Variants in MAP3K3 observed in about 807,000 individuals in gnomAD.
MAP3K3 encodes mitogen-activated protein kinase kinase kinase 3, also known as MAP/ERK kinase kinase 3.
A neutral mutation model predicts 80.9 loss-of-function variants in MAP3K3; 12 were observed. The observed-to-expected ratio is 0.15, with a 90% CI of 0.10 to 0.24. The LOEUF is 0.24. Among genes scored for constraint, MAP3K3 ranks in the 10% least tolerant of loss-of-function variants. The pLI is 1.00. For missense variants in MAP3K3, 596 were observed against 834.7 expected, an observed-to-expected ratio of 0.71 and a Z score of 3.52; for synonymous variants, 272 against 307.1, an observed-to-expected ratio of 0.89 and a Z score of 1.19.
chr17:63,694,054 G>A lies in MAP3K3; in HGVS notation c.*277G>A. 1 of 390,846 alleles carries A rather than the reference G, an allele frequency of 2.6e-6. No homozygotes were observed. Among genetic ancestry groups the A allele is most frequent in the Non-Finnish European group, 4.6e-6 (1 of 217,744 alleles). 24.2% of individuals were successfully genotyped at this position (390,846 alleles called of 1,614,324 possible). A position where few individuals can be genotyped will look rare whatever the true frequency, so the allele number is the denominator to read the frequency against. On this transcript the variant is annotated 3_prime_UTR_variant, in exon 16 of 16. Transcript: ENST00000361733. ...GGGGCTGGGAACAGTGTGCAAGGCA[G>A]CCGTGGGCCCCACCCTCGGGGATGT...
At chr17:63,688,632 T>A in intron 9 of MAP3K3, 38 bp downstream of exon 9, 1 of 1,590,008 alleles carries the variant, frequency 6.3e-7, no homozygotes, top group Non-Finnish European at 8.6e-7. Context: ...ATGCAGGGTG[T>A]CTGGGTGGGG....
At chr17:63,624,541 A>G (rs905180662) in intron 1 of MAP3K3, among the ~76,000 whole-genome samples, 7 of 152,222 alleles carry the variant, frequency 4.6e-5, no homozygotes, top group African/African-American at 1.7e-4. Flanking sequence ...ATGGAGACCA[A>G]TGATGGGGAG....
At chr17:63,688,751 A>T in intron 9 of MAP3K3, 38 bp from the exon 10 acceptor site, 2 of 1,504,194 alleles carry the variant, frequency 1.3e-6, no homozygotes, top group Non-Finnish European at 9.3e-7. Context: ...GCTCACATTG[A>T]CCTACCCAGA....
chr17:63,692,162 C>G lies in MAP3K3; in HGVS notation c.1475-80C>G. 4 of 1,536,678 alleles carry G rather than the reference C, an allele frequency of 2.6e-6. No homozygotes were observed. Among genetic ancestry groups the G allele is most frequent in the East Asian group, 2.2e-5 (1 of 44,464 alleles). ...GGTAGCCCTGCCCTCTCCAGCAGCT[C>G]TCAGTGACCCGGGGGTGGGGAGGAT... is the stretch of plus-strand genomic sequence containing the variant. On this transcript the variant is annotated intron_variant, in intron 14 of 15. Coordinates refer to ENST00000361733, the MANE Select transcript of MAP3K3 (RefSeq NM_002401.5). This position sits in a 1 kb window ranked among gnomAD's most constrained non-coding sequence, Gnocchi z 4.5.
chr17:63,646,886 G>A (rs576742520), intron 3 of MAP3K3, among the ~76,000 whole-genome samples: 1 of 152,070 alleles, frequency 6.6e-6, no homozygotes, highest in Non-Finnish European at 1.5e-5. Flanking sequence ...TGTGCCTTTC[G>A]GTGTTTTTTC....
chr17:63,625,103 CTTGAGT>C (rs1385889348), intron 1 of MAP3K3, among the ~76,000 whole-genome samples: 1 of 152,206 alleles, frequency 6.6e-6, no homozygotes, highest in Non-Finnish European at 1.5e-5. Flanking sequence ...AGGACTAAAA[CTTGAGT>C]CTCTGCCCTG....
At position 63,693,771 on chromosome 17, in the gene MAP3K3, G is replaced by T. The variant is rs1333837448; in HGVS notation, c.1875G>T (p.Met625Ile). 6.3e-7 allele frequency: 1 copy of T among 1,597,936 alleles called. No individual in the cohort carries two copies. Residue 625 changes from methionine to isoleucine, a missense_variant, in exon 16 of 16, where the codon ATG (methionine) becomes ATT (isoleucine). Physicochemically the swap from Met to Ile is conservative, Grantham distance 10. Around this residue, in one of 2 missense-constraint regions of MAP3K3, gnomAD observed 364 missense variants for 588.9 expected, o/e 0.62. Coordinates refer to ENST00000361733, the MANE Select transcript of MAP3K3 (RefSeq NM_002401.5). This position sits in a 1 kb window ranked among gnomAD's most constrained non-coding sequence, Gnocchi z 4.2. ...ELLTHHFAQL[M>I]Y ...TCACACACCACTTTGCACAGCTCAT[G>T]TACTGAGCTCTCACGGCCACACAGC...
intron 3 of MAP3K3, among the ~76,000 whole-genome samples, chr17:63,650,115 T>C (rs936763154): frequency 6.6e-6 from 1 of 152,244 alleles, no homozygotes; most frequent in African/African-American, 2.4e-5. Flanking sequence ...GTTGTTTTAA[T>C]AGGCATTTCT....
At position 63,691,664 on chromosome 17, in the gene MAP3K3, G is replaced by C. The variant is rs2035593532; in HGVS notation, c.1345-69G>C. ...TCACTCCTTTGCTGCCATGCTGGGG[G>C]CTGGAATGGGCTTGCCCCTCCACCA... is the stretch of plus-strand genomic sequence containing the variant. On this transcript the variant is annotated intron_variant, in intron 13 of 15. Coordinates refer to ENST00000361733, the MANE Select transcript of MAP3K3 (RefSeq NM_002401.5). This position sits in a 1 kb window ranked among gnomAD's most constrained non-coding sequence, Gnocchi z 4.8. The C allele has an allele frequency of 1.9e-6, 3 of 1,570,076 alleles. No individual in the cohort carries two copies. The Admixed American group carries it at 5.3e-5, about 28-fold the overall frequency.
chr17:63,691,076 G>A lies in MAP3K3; in HGVS notation c.1213-26G>A, dbSNP rs1055618773. The stretch of plus-strand genomic sequence containing the variant: ...GGGCAGAACTAGGGCCCTGAGAGCT[G>A]AGGCGACCACTGACCCCTCCCCTAG... On this transcript the variant is annotated intron_variant, in intron 12 of 15. Transcript: ENST00000361733. The surrounding 1 kb of genome is among the most constrained non-coding windows in gnomAD (Gnocchi z 4.8). The A allele has an allele frequency of 6.2e-7, 1 of 1,613,178 alleles. No individual in the cohort carries two copies. The highest frequency in any genetic ancestry group is 8.5e-7 in the Non-Finnish European group (1 of 1,179,836).
chr17:63,657,815 C>G lies in MAP3K3; in HGVS notation c.289C>G (p.Gln97Glu). Residue 97 changes from glutamine (Q) to glutamate (E), a missense_variant, in exon 5 of 16, where the codon CAA (glutamine) becomes GAA (glutamate). Physicochemically the swap from Gln to Glu is conservative, Grantham distance 29 (BLOSUM62 2). This residue lies in a region of MAP3K3 where 232 missense variants were observed against 245.8 expected (regional missense o/e 0.94). Coordinates refer to ENST00000361733, the MANE Select transcript of MAP3K3 (RefSeq NM_002401.5). ...ACAGCTCTCCATCCTGCTGAAAAACCAAGATGATCTTGATAAAGCAATTGA... is the reference window on the plus strand; with the variant it reads ...ACAGCTCTCCATCCTGCTGAAAAACGAAGATGATCTTGATAAAGCAATTGA... ...NNELSILLKN[Q>E]DDLDKAIDIL... 1 of 1,596,554 alleles carries G rather than the reference C, an allele frequency of 6.3e-7. No homozygotes were observed. The highest frequency in any genetic ancestry group is 8.6e-7 in the Non-Finnish European group (1 of 1,167,740).
At position 63,689,856 on chromosome 17, in the gene MAP3K3, AC is replaced by A; in HGVS notation, c.1063+123del. The A allele has an allele frequency of 1.1e-6, 1 of 882,576 alleles. No individual in the cohort carries two copies. Among genetic ancestry groups the A allele is most frequent in the Non-Finnish European group, 1.7e-6 (1 of 582,922 alleles). The allele number at this position is 882,576 out of a possible 1,614,324, so 54.7% of individuals were successfully genotyped here. The stretch of plus-strand genomic sequence containing the variant: ...CAGGTGGTGGCTTTGGCCCAAATGC[AC>A]CACATGGGATAAGCCTTGGAGTGTC... On this transcript the variant is annotated intron_variant, in intron 11 of 15. Coordinates refer to ENST00000361733, the MANE Select transcript of MAP3K3 (RefSeq NM_002401.5). This position sits in a 1 kb window ranked among gnomAD's most constrained non-coding sequence, Gnocchi z 4.3.
chr17:63,626,841 A>T (rs543614809), intron 1 of MAP3K3, among the ~76,000 whole-genome samples: 95 of 152,334 alleles, frequency 6.2e-4, no homozygotes, highest in Middle Eastern at 3.4e-3. Context: ...CAAGATGAAG[A>T]AATAACATCA....
At chr17:63,660,557 C>T (rs1045336169) in intron 5 of MAP3K3, among the ~76,000 whole-genome samples, 1 of 149,022 alleles carries the variant, frequency 6.7e-6, no homozygotes, top group South Asian at 2.1e-4. Context: ...TCTCTTTCTT[C>T]TCTTTGGATT....
At chr17:63,628,303 A>G (rs975786796) in intron 1 of MAP3K3, among the ~76,000 whole-genome samples, 1 of 151,938 alleles carries the variant, frequency 6.6e-6, no homozygotes, top group Admixed American at 6.6e-5. Context: ...ATATTTAAAA[A>G]TATTTATTTT....
intron 1 of MAP3K3, among the ~76,000 whole-genome samples, chr17:63,627,445 CTTTTTTT>C (rs1183128007): frequency 4.2e-5 from 6 of 143,544 alleles, no homozygotes; most frequent in Non-Finnish European, 3.1e-5. Flanking sequence ...TTCACAAATA[CTTTTTTT>C]TTTTTTTTGG....
At chr17:63,663,510 A>AG (rs2034938064) in intron 5 of MAP3K3, among the ~76,000 whole-genome samples, 1 of 152,132 alleles carries the variant, frequency 6.6e-6, no homozygotes, top group East Asian at 1.9e-4. Context: ...CAAAAAAAAA[A>AG]AAAAAGTTTA....
At chr17:63,667,151 A>G in intron 6 of MAP3K3, 91 bp downstream of exon 6, 1 of 1,351,986 alleles carries the variant, frequency 7.4e-7, no homozygotes, top group South Asian at 1.5e-5. Flanking sequence ...ATAATCATCA[A>G]ATATTTATTA....
intron 3 of MAP3K3, among the ~76,000 whole-genome samples, chr17:63,651,401 A>T (rs1172473938): frequency 6.8e-6 from 1 of 146,200 alleles, no homozygotes. Context: ...TGAGCCCCAG[A>T]GGTTGAAGCT....
Sources: allele counts gnomAD v4.1 joint callset (sites outside exome capture counted in the v4.1 genomes callset), GRCh38; gene constraint gnomAD v4.1.1; regional missense constraint gnomAD v4.1.1; non-coding constraint Gnocchi (gnomAD v3.1); transcripts MANE v1.5; gene names NCBI Gene and HGNC (gene_info 2026-07-23, HGNC 2026-07-21).